PRDM9: variants seen among roughly 807,000 people sequenced by gnomAD.
PRDM9 encodes the protein histone-lysine N-methyltransferase PRDM9.
Under a neutral mutation model 55.6 loss-of-function variants are expected in PRDM9, and 47 were observed. The observed-to-expected ratio is 0.85, with a 90% CI of 0.67 to 1.08. The LOEUF (loss-of-function observed/expected upper bound fraction) is 1.08, where lower values mean the gene tolerates loss of function less well. Among genes scored for constraint, PRDM9 ranks in the 50% least tolerant of loss-of-function variants. The pLI is 0.00. For missense variants in PRDM9, 867 were observed against 1,040.3 expected (o/e 0.83, Z 2.29); for synonymous variants, 312 against 375.7 (o/e 0.83, Z 1.96).
chr5:23,521,250 C>G, intron 6 of PRDM9, 71 bp downstream of exon 6: 1 of 1,578,266 alleles, frequency 6.3e-7, no homozygotes, highest in Non-Finnish European at 8.7e-7. Flanking sequence ...TATGGTCTAC[C>G]TATGTGGGGT....
In PRDM9 at chr5:23,526,333, C is replaced by T; in HGVS notation, c.1245C>T (p.Asn415=). The T allele has an allele frequency of 1.2e-6, 2 of 1,614,194 alleles. No individual in the cohort carries two copies. Among genetic ancestry groups the T allele is most frequent in the African/African-American group, 1.3e-5 (1 of 75,064 alleles). Residue 415 remains asparagine, a synonymous_variant, in exon 11 of 11, where the codon AAC becomes AAT. Coordinates refer to ENST00000296682, the MANE Select transcript of PRDM9 (RefSeq NM_020227.4). The stretch of plus-strand genomic sequence containing the variant: ...TAGAACGCAATCACTCCTCTCAGAA[C>T]TTCCCAGGACCATCTGCAAGAAAAC... ...QHVERNHSSQ[N]FPGPSARKLL... is the part of the protein sequence containing the mutation.
chr5:23,510,261 G>A (rs1365107047), intron 4 of PRDM9, among the ~76,000 whole-genome samples: 8 of 151,620 alleles, frequency 5.3e-5, no homozygotes, highest in East Asian at 2.0e-4. Flanking sequence ...GGGTTTCTCC[G>A]TGTTGGTCAA....
chr5:23,508,916 T>A, intron 1 of PRDM9, 34 bp from the exon 2 acceptor site: 3 of 1,212,368 alleles, frequency 2.5e-6, no homozygotes, highest in Non-Finnish European at 3.6e-6. Context: ...TGCTCAGGGC[T>A]GTTGCCCCCT....
rs1427758179 is a variant in PRDM9, at chr5:23,521,119, A to G, written c.448A>G (p.Lys150Glu). The G allele has an allele frequency of 6.2e-7, 1 of 1,614,014 alleles. No individual in the cohort carries two copies. Among genetic ancestry groups the G allele is most frequent in the African/African-American group, 1.3e-5 (1 of 74,942 alleles). The change falls in exon 6 of 11, where the codon AAA becomes GAA. Residue 150 changes from lysine (K) to glutamate (E), a missense_variant. Around this residue, in one of 5 missense-constraint regions of PRDM9, gnomAD observed 662 missense variants for 711.9 expected, o/e 0.93. Transcript: ENST00000296682. ...TGCAAGTGGCTCAGAGCAGGCTCAG[A>G]AACCAGTGTCCCCTTCTGGAGAAGC... is the stretch of plus-strand genomic sequence containing the variant. The part of the protein sequence containing the change: ...LNASGSEQAQ[K>E]PVSPSGEAST...
Position 23,509,007 on chromosome 5 carries a change from C to G in PRDM9, c.-27C>G. On this transcript the variant is annotated 5_prime_UTR_variant, in exon 2 of 11. Transcript: ENST00000296682. ...GCCCTTCTCACACTCAGAATTGGAG[C>G]AGGGCCTTCTAGACAGTCCCAGCAC... 6.2e-7 allele frequency: 1 copy of G among 1,612,930 alleles called. No homozygotes were observed. The highest frequency in any genetic ancestry group is 8.5e-7 in the Non-Finnish European group (1 of 1,179,144).
At chr5:23,507,774 G>A (rs1304081980) in intron 1 of PRDM9, 62 bp downstream of exon 1, 1 of 151,992 alleles carries the variant, frequency 6.6e-6, no homozygotes, top group Non-Finnish European at 1.5e-5. Flanking sequence ...CCCTCACCCT[G>A]GGAAGCTCCA....
At position 23,522,410 on chromosome 5, in the gene PRDM9, G is replaced by A; in HGVS notation, c.610+5G>A. The A allele has an allele frequency of 6.2e-7, 1 of 1,612,800 alleles. No individual in the cohort carries two copies. Among genetic ancestry groups the A allele is most frequent in the Non-Finnish European group, 8.5e-7 (1 of 1,178,744 alleles). ...CGCAGGATGATGATTACCTCTGTAA[G>A]TGACACTTTTGGCCACTCACACAGC... On this transcript the variant is annotated splice_donor_5th_base_variant and intron_variant, in intron 7 of 10. Transcript: ENST00000296682.
intron 10 of PRDM9, among the ~76,000 whole-genome samples, chr5:23,524,855 C>T (rs554375420): frequency 6.6e-6 from 1 of 152,282 alleles, no homozygotes; most frequent in East Asian, 1.9e-4. Context: ...TCTGGCATTT[C>T]CTTGATATTT....
chr5:23,518,008 G>A lies in PRDM9; in HGVS notation c.351+78G>A, dbSNP rs1451740448. ...ACAGGTAAGAGGAGGAGAATGTACA[G>A]ACTATCATAGGAACTAATGCCTTCT... On this transcript the variant is annotated intron_variant, in intron 5 of 10. Transcript: ENST00000296682. 8 of 1,317,358 alleles carry A rather than the reference G, an allele frequency of 6.1e-6. No individual in the cohort carries two copies. The African/African-American group carries it at 1.2e-4, about 19-fold the overall frequency. The allele number at this position is 1,317,358 out of a possible 1,614,324, so 81.6% of individuals were successfully genotyped here.
intron 1 of PRDM9, among the ~76,000 whole-genome samples, chr5:23,508,331 G>T (rs1739023911): frequency 6.6e-6 from 1 of 151,954 alleles, no homozygotes; most frequent in South Asian, 2.1e-4. Context: ...CAGCCTGAGG[G>T]ATACCAAAGC....
intron 8 of PRDM9, 108 bp downstream of exon 8, chr5:23,522,993 T>C (rs1739364840): frequency 1.3e-6 from 2 of 1,567,182 alleles, no homozygotes; most frequent in Non-Finnish European, 1.8e-6. Flanking sequence ...ATAACATGGT[T>C]AGCTCTGTGT....
At chr5:23,520,364 C>CAAAAA (rs59333354) in intron 5 of PRDM9, among the ~76,000 whole-genome samples, 4 of 44,576 alleles carry the variant, frequency 9.0e-5, no homozygotes, top group Non-Finnish European at 1.3e-4. Flanking sequence ...GACTCCTTCT[C>CAAAAA]AAAAAAAAAA....
chr5:23,521,102 G>T lies in PRDM9; in HGVS notation c.431G>T (p.Gly144Val), dbSNP rs200064068. 2.7e-4 allele frequency: 443 copies of T among 1,613,994 alleles called. 3 individuals are homozygous for T. Among genetic ancestry groups the T allele is most frequent in the Admixed American group, 1.2e-4 (7 of 60,004 alleles). Reference protein sequence around the residue: ...SRTANLLNASGSEQAQKPVSP... With the variant: ...SRTANLLNASVSEQAQKPVSP... ...ACAGCAAATTTACTGAATGCAAGTG[G>T]CTCAGAGCAGGCTCAGAAACCAGTG... The change falls in exon 6 of 11, where the codon GGC becomes GTC. Residue 144 changes from glycine (G) to valine (V), a missense_variant. Physicochemically the swap from Gly to Val is moderately radical, Grantham distance 109. Coordinates refer to ENST00000296682, the MANE Select transcript of PRDM9 (RefSeq NM_020227.4).
intron 5 of PRDM9, among the ~76,000 whole-genome samples, chr5:23,519,583 A>G (rs1579592609): frequency 1.3e-5 from 2 of 148,446 alleles, no homozygotes; most frequent in African/African-American, 2.5e-5. Context: ...TGGTCTCAAA[A>G]CTCCTGACCT....
intron 4 of PRDM9, among the ~76,000 whole-genome samples, chr5:23,511,605 C>T (rs997439131): frequency 1.3e-5 from 2 of 152,160 alleles, no homozygotes; most frequent in Non-Finnish European, 2.9e-5. Context: ...CTTGGTCTCC[C>T]AAAGTGCTGG....
At chr5:23,514,975 T>G (rs1739176410) in intron 4 of PRDM9, among the ~76,000 whole-genome samples, 1 of 151,880 alleles carries the variant, frequency 6.6e-6, no homozygotes, top group African/African-American at 2.4e-5. Flanking sequence ...TCTTTTTTTT[T>G]TTTTTGAGAC....
Position 23,527,790 on chromosome 5 carries a change from C to T in PRDM9, c.*17C>T, listed in dbSNP as rs755853960. On this transcript the variant is annotated 3_prime_UTR_variant, in exon 11 of 11. Coordinates refer to ENST00000296682, the MANE Select transcript of PRDM9 (RefSeq NM_020227.4). ...GATGAGTAAGTCATTAGTAATAAAA[C>T]CTCATCTCAATAGCCACAAAAAGAC... The T allele has an allele frequency of 5.0e-6, 8 of 1,614,050 alleles. No individual in the cohort carries two copies. Among genetic ancestry groups the T allele is most frequent in the Middle Eastern group, 1.6e-4 (1 of 6,062 alleles).
rs373277404 is a variant in PRDM9 at position 23,524,397 on chromosome 5, G to C, written c.1014G>C (p.Gln338His). 2.5e-6 allele frequency: 4 copies of C among 1,613,904 alleles called. No individual in the cohort carries two copies. The highest frequency in any genetic ancestry group is 1.7e-5 in the Admixed American group (1 of 60,000). The change falls in exon 10 of 11, where the codon CAG becomes CAC. Residue 338 changes from glutamine to histidine, a missense_variant. Around this residue, in one of 5 missense-constraint regions of PRDM9, gnomAD observed 662 missense variants for 711.9 expected, o/e 0.93. Coordinates refer to ENST00000296682, the MANE Select transcript of PRDM9 (RefSeq NM_020227.4). ...TGGTGGCCTTCCAGTACCACAGGCA[G>C]ATCTTCTATAGAACCTGCCGAGTCA... ...QNLVAFQYHR[Q>H]IFYRTCRVIR...
chr5:23,521,148 T>C lies in PRDM9; in HGVS notation c.477T>C (p.Ser159=), dbSNP rs759293208. Residue 159 remains serine, a synonymous_variant, in exon 6 of 11, where the codon AGT becomes AGC. Coordinates refer to ENST00000296682, the MANE Select transcript of PRDM9 (RefSeq NM_020227.4). The stretch of plus-strand genomic sequence containing the variant: ...CAGTGTCCCCTTCTGGAGAAGCAAG[T>C]ACCTCTGGACAGCACTCAAGACTAA... ...QKPVSPSGEA[S]TSGQHSRLKL... is the part of the protein sequence containing the mutation. 1.2e-6 allele frequency: 2 copies of C among 1,613,716 alleles called. No individual in the cohort carries two copies. The highest frequency in any genetic ancestry group is 1.7e-6 in the Non-Finnish European group (2 of 1,180,016).
Sources: gnomAD v4.1 joint callset for allele counts (sites outside exome capture counted in the v4.1 genomes callset) on GRCh38, gnomAD v4.1.1 for gene constraint, gnomAD v4.1.1 regional missense constraint, MANE v1.5 for transcripts, NCBI Gene and HGNC (gene_info 2026-07-23, HGNC 2026-07-21) for gene names.